YEATS4: variants seen among roughly 807,000 people sequenced by gnomAD.
The protein encoded by YEATS4 is YEATS domain containing 4.
YEATS4 carries 17 observed loss-of-function variants against 30.1 expected under a neutral mutation model. The ratio of observed to expected loss-of-function variants is 0.56; its 90% confidence interval spans 0.39 to 0.85. The LOEUF (loss-of-function observed/expected upper bound fraction) is 0.85, where lower values mean the gene tolerates loss of function less well. Among genes scored for constraint, YEATS4 ranks in the 40% least tolerant of loss-of-function variants. YEATS4 has a pLI of 0.00. For synonymous variants in YEATS4, 85 were observed against 87.5 expected (o/e 0.97, Z 0.16); for missense variants, 142 against 268.3 (o/e 0.53, Z 3.29).
At chr12:69,388,991 A>G (rs1868283993) in intron 6 of YEATS4, among the ~76,000 whole-genome samples, 1 of 152,188 alleles carries the variant, frequency 6.6e-6, no homozygotes, top group Non-Finnish European at 1.5e-5. Context: ...AATATTATGA[A>G]GTATTTGCCA....
chr12:69,364,800 A>G (rs767977410), intron 2 of YEATS4, among the ~76,000 whole-genome samples: 3 of 151,936 alleles, frequency 2.0e-5, no homozygotes, highest in Admixed American at 6.6e-5. Context: ...TTGTATTTTT[A>G]GTAGAGATGG....
At chr12:69,397,356 T>A in the YEATS4 span, among the ~76,000 whole-genome samples, 1 of 152,170 alleles carries the variant, frequency 6.6e-6, no homozygotes. Flanking sequence ...ACTCGTGATA[T>A]AGTTTGGCTG....
At chr12:69,424,717 C>T in the YEATS4 span, among the ~76,000 whole-genome samples, 4 of 152,108 alleles carry the variant, frequency 2.6e-5, no homozygotes, top group Non-Finnish European at 4.4e-5. Context: ...ACTTCCCTCC[C>T]GCCACCTTGT....
chr12:69,379,129 A>G (rs937146746), intron 6 of YEATS4, among the ~76,000 whole-genome samples: 1 of 152,170 alleles, frequency 6.6e-6, no homozygotes, highest in Admixed American at 6.5e-5. Context: ...CAGATGTATT[A>G]GAGCTCCATT....
the YEATS4 span, among the ~76,000 whole-genome samples, chr12:69,420,246 T>C: frequency 2.0e-5 from 3 of 152,010 alleles, no homozygotes; most frequent in South Asian, 6.2e-4. Context: ...AGGAAGGACA[T>C]TTGGATGAGA....
chr12:69,394,656 TCTCA>T (rs1390114399), downstream of YEATS4, among the ~76,000 whole-genome samples: 2 of 151,832 alleles, frequency 1.3e-5, no homozygotes, highest in East Asian at 3.9e-4. Flanking sequence ...TGTGGTAGAG[TCTCA>T]CTCTGTTGCC....
At position 69,362,981 on chromosome 12, in the gene YEATS4, A is replaced by AATTTTTTTTTTTTTTT. The variant is rs1198849494; in HGVS notation, c.171+74_171+75insATTTTTTTTTTTTTTT. On this transcript the variant is annotated intron_variant, in intron 2 of 6. Coordinates refer to ENST00000247843, the MANE Select transcript of YEATS4 (RefSeq NM_006530.4). ...TTTGTTTTGCTTAAAGACAACCTGT[A>AATTTTTTTTTTTTTTT]GTTTTTTTTTTTTTTTTTTTTTTTT... The AATTTTTTTTTTTTTTT allele has an allele frequency of 2.3e-5, 7 of 307,590 alleles. 3 individuals are homozygous for AATTTTTTTTTTTTTTT. Among genetic ancestry groups the AATTTTTTTTTTTTTTT allele is most frequent in the Non-Finnish European group, 1.7e-5 (4 of 232,504 alleles). The allele number at this position is 307,590 out of a possible 1,614,324, so 19.1% of individuals were successfully genotyped here. A position where few individuals can be genotyped will look rare whatever the true frequency, so the allele number is the denominator to read the frequency against.
intron 1 of YEATS4, chr12:69,361,533 T>G (rs898405882): frequency 2.0e-5 from 3 of 152,284 alleles, no homozygotes; most frequent in Admixed American, 2.0e-4. Context: ...TCGGGTGATC[T>G]GCCCGCCTCG....
chr12:69,361,041 T>C (rs1020824166), intron 1 of YEATS4, among the ~76,000 whole-genome samples: 6 of 151,392 alleles, frequency 4.0e-5, no homozygotes, highest in African/African-American at 7.3e-5. Flanking sequence ...CTACTAAATA[T>C]ACAAAAATTA....
At chr12:69,395,838 C>T (rs914304943), downstream of YEATS4, among the ~76,000 whole-genome samples, 3 of 152,136 alleles carry the variant, frequency 2.0e-5, no homozygotes, top group Non-Finnish European at 4.4e-5. Flanking sequence ...CTCTTCAGTG[C>T]ATTGTCCGGT....
chr12:69,392,875 ACCT>A (rs1205538087), downstream of YEATS4, among the ~76,000 whole-genome samples: 1 of 152,148 alleles, frequency 6.6e-6, no homozygotes, highest in African/African-American at 2.4e-5. Context: ...TACTTCTCAA[ACCT>A]CCTTCCTTTA....
intron 6 of YEATS4, among the ~76,000 whole-genome samples, chr12:69,387,008 C>T (rs936244618): frequency 6.6e-6 from 1 of 151,972 alleles, no homozygotes; most frequent in South Asian, 2.1e-4. Context: ...ACCCCACCCC[C>T]CAAAAAAATC....
At chr12:69,373,290 C>A (rs560670704) in intron 6 of YEATS4, among the ~76,000 whole-genome samples, 2 of 152,150 alleles carry the variant, frequency 1.3e-5, no homozygotes, top group Non-Finnish European at 2.9e-5. Flanking sequence ...TCTGCATCCT[C>A]GCCTGCATTT....
the YEATS4 span, among the ~76,000 whole-genome samples, chr12:69,413,247 T>C: frequency 1.3e-3 from 202 of 150,590 alleles, no homozygotes; most frequent in African/African-American, 4.8e-3. Context: ...ACTTTGTCTC[T>C]ACAAACAGTG....
the YEATS4 span, among the ~76,000 whole-genome samples, chr12:69,408,561 G>T: frequency 6.6e-6 from 1 of 152,316 alleles, no homozygotes; most frequent in Non-Finnish European, 1.5e-5. Context: ...GTTTACTCCA[G>T]TTTGCCCTGG....
chr12:69,378,782 C>G (rs2059218688), intron 6 of YEATS4, among the ~76,000 whole-genome samples: 1 of 152,146 alleles, frequency 6.6e-6, no homozygotes, highest in African/African-American at 2.4e-5. Flanking sequence ...TTTCATATTT[C>G]TACCTAAGAC....
At chr12:69,371,119 A>G (rs1426790373) in intron 6 of YEATS4, 144 bp downstream of exon 6, 1 of 723,092 alleles carries the variant, frequency 1.4e-6, no homozygotes, top group Non-Finnish European at 2.2e-6. Flanking sequence ...ATTACAGTGG[A>G]ACATGTAAAA....
At chr12:69,389,124 T>G in intron 6 of YEATS4, among the ~76,000 whole-genome samples, 1 of 152,144 alleles carries the variant, frequency 6.6e-6, no homozygotes, top group East Asian at 1.9e-4. Flanking sequence ...AAAAAAGATA[T>G]TGGCTTGTAT....
At chr12:69,422,264 G>A in the YEATS4 span, among the ~76,000 whole-genome samples, 1 of 152,156 alleles carries the variant, frequency 6.6e-6, no homozygotes, top group East Asian at 1.9e-4. Context: ...CGAAGACCCT[G>A]AAATTAGTGT....
Sources: gnomAD v4.1 joint callset for allele counts (sites outside exome capture counted in the v4.1 genomes callset) on GRCh38, gnomAD v4.1.1 for gene constraint, MANE v1.5 for transcripts, NCBI Gene and HGNC (gene_info 2026-07-23, HGNC 2026-07-21) for gene names.